KLHL2: variants seen among roughly 807,000 people sequenced by gnomAD.
KLHL2 encodes kelch-like protein 2.
KLHL2 carries 15 observed loss-of-function variants against 75.8 expected under a neutral mutation model. The ratio of observed to expected loss-of-function variants is 0.20; its 90% CI spans 0.13 to 0.30. KLHL2 has a LOEUF of 0.30. KLHL2 is among the 10% of genes least tolerant of loss of function. The pLI is 1.00. For missense variants in KLHL2, 381 were observed against 741.0 expected, an observed-to-expected ratio of 0.51 and a Z score of 5.64; for synonymous variants, 214 against 251.9, an observed-to-expected ratio of 0.85 and a Z score of 1.42.
intron 9 of KLHL2, among the ~76,000 whole-genome samples, 159 bp downstream of exon 9, chr4:165,305,884 A>G (rs1295252025): frequency 1.3e-5 from 2 of 152,214 alleles, no homozygotes; most frequent in Admixed American, 6.5e-5. Flanking sequence ...ATGCCTCTCA[A>G]GACATTGATG....
intron 10 of KLHL2, among the ~76,000 whole-genome samples, 186 bp downstream of exon 10, chr4:165,310,936 G>C (rs1395439445): frequency 6.7e-6 from 1 of 149,052 alleles, no homozygotes; most frequent in Non-Finnish European, 1.5e-5. Context: ...CTCACTGCAA[G>C]CTCCGCCTGC....
intron 5 of KLHL2, among the ~76,000 whole-genome samples, chr4:165,271,115 T>C (rs1742657972): frequency 6.6e-6 from 1 of 152,080 alleles, no homozygotes; most frequent in Non-Finnish European, 1.5e-5. Flanking sequence ...TTGCTTAGGA[T>C]TACATTGGCT....
chr4:165,251,613 TTG>T (rs955186379), intron 4 of KLHL2, among the ~76,000 whole-genome samples: 2 of 137,410 alleles, frequency 1.5e-5, no homozygotes, highest in African/African-American at 5.2e-5. Flanking sequence ...TTTTTTTTTT[TTG>T]TTTTTTTTTT....
At chr4:165,250,749 A>T (rs540692268) in intron 4 of KLHL2, among the ~76,000 whole-genome samples, 48 of 152,190 alleles carry the variant, frequency 3.2e-4, no homozygotes, top group Admixed American at 7.2e-4. Flanking sequence ...ACCAAGAAAA[A>T]GAATAACTCA....
chr4:165,284,021 C>T (rs1046525583), intron 5 of KLHL2, among the ~76,000 whole-genome samples: 6 of 152,176 alleles, frequency 3.9e-5, no homozygotes, highest in Non-Finnish European at 8.8e-5. Flanking sequence ...GGACACAGGG[C>T]ACCGTGTCCT....
intron 6 of KLHL2, among the ~76,000 whole-genome samples, chr4:165,296,477 G>A (rs1185920889): frequency 2.0e-5 from 3 of 152,276 alleles, no homozygotes; most frequent in East Asian, 1.9e-4. Flanking sequence ...CCCTTCCTCC[G>A]CACTCTACTG....
At chr4:165,273,205 A>G (rs753983738) in intron 5 of KLHL2, among the ~76,000 whole-genome samples, 7 of 152,102 alleles carry the variant, frequency 4.6e-5, no homozygotes, top group Non-Finnish European at 1.0e-4. Context: ...CTGAAGTCTA[A>G]TGTACGTATA....
chr4:165,308,602 T>G (rs761252052), intron 9 of KLHL2, among the ~76,000 whole-genome samples: 23 of 152,324 alleles, frequency 1.5e-4, no homozygotes, highest in Middle Eastern at 3.4e-3. Flanking sequence ...ATTGATTCAT[T>G]TATTTTCTTC....
chr4:165,246,964 G>A (rs1462624484), intron 4 of KLHL2, among the ~76,000 whole-genome samples: 2 of 152,158 alleles, frequency 1.3e-5, no homozygotes, highest in Non-Finnish European at 2.9e-5. Context: ...AGATGAGGGA[G>A]ATGGAGTACT....
intron 4 of KLHL2, among the ~76,000 whole-genome samples, chr4:165,262,753 A>AT (rs1741794706): frequency 6.6e-6 from 1 of 151,856 alleles, no homozygotes; most frequent in South Asian, 2.1e-4. Flanking sequence ...TAATTTTTAT[A>AT]TTTTTTGTAG....
intron 4 of KLHL2, among the ~76,000 whole-genome samples, chr4:165,251,991 T>G (rs1038538931): frequency 1.3e-5 from 2 of 152,228 alleles, no homozygotes; most frequent in African/African-American, 4.8e-5. Context: ...CTTGTGGCTT[T>G]GTATTATTAA....
At chr4:165,265,197 T>G (rs1029559715) in intron 5 of KLHL2, among the ~76,000 whole-genome samples, 2 of 152,176 alleles carry the variant, frequency 1.3e-5, no homozygotes, top group Non-Finnish European at 2.9e-5. Context: ...TCTGTTCATG[T>G]CATTTGCCCA....
intron 4 of KLHL2, among the ~76,000 whole-genome samples, chr4:165,255,449 G>A (rs1311236404): frequency 1.3e-5 from 2 of 152,040 alleles, no homozygotes; most frequent in African/African-American, 4.8e-5. Flanking sequence ...TCCTAGGGGT[G>A]GAGTGTTGGG....
intron 9 of KLHL2, among the ~76,000 whole-genome samples, chr4:165,306,874 T>C (rs1367828589): frequency 2.0e-5 from 3 of 152,252 alleles, no homozygotes; most frequent in African/African-American, 4.8e-5. Flanking sequence ...ATGTAAAAAC[T>C]TTATCTTTTA....
intron 4 of KLHL2, among the ~76,000 whole-genome samples, chr4:165,248,612 C>A (rs1312801608): frequency 6.6e-6 from 1 of 152,074 alleles, no homozygotes; most frequent in Non-Finnish European, 1.5e-5. Flanking sequence ...GGATGGTGAT[C>A]AACTAGTGGG....
At chr4:165,265,647 A>G (rs1000249155) in intron 5 of KLHL2, among the ~76,000 whole-genome samples, 3 of 152,182 alleles carry the variant, frequency 2.0e-5, no homozygotes, top group Admixed American at 2.0e-4. Context: ...TGCAAAGGAC[A>G]CGAACTCATC....
At chr4:165,312,693 A>G (rs1318230473) in intron 11 of KLHL2, among the ~76,000 whole-genome samples, 1 of 151,984 alleles carries the variant, frequency 6.6e-6, no homozygotes, top group Non-Finnish European at 1.5e-5. Flanking sequence ...ACTTTCTATC[A>G]CTTAGAGATT....
chr4:165,317,796 T>C (rs899156611), intron 13 of KLHL2, 30 bp from the exon 14 acceptor site: 2 of 1,575,252 alleles, frequency 1.3e-6, no homozygotes, highest in Non-Finnish European at 1.7e-6. Flanking sequence ...ATTTTTTAAA[T>C]AATTGTTTTC....
chr4:165,288,212 A>G (rs1744231081), intron 5 of KLHL2, among the ~76,000 whole-genome samples: 1 of 152,114 alleles, frequency 6.6e-6, no homozygotes, highest in South Asian at 2.1e-4. Flanking sequence ...ATTCTTTTCT[A>G]TGTGGATGTC....
Sources: gnomAD v4.1 joint callset for allele counts (sites outside exome capture counted in the v4.1 genomes callset) on GRCh38, gnomAD v4.1.1 for gene constraint, MANE v1.5 for transcripts, NCBI Gene and HGNC (gene_info 2026-07-23, HGNC 2026-07-21) for gene names.